ZFYVE9: variants seen among roughly 807,000 people sequenced by gnomAD.
ZFYVE9 encodes zinc finger FYVE-type containing 9, also known as zinc finger FYVE domain-containing protein 9.
ZFYVE9 carries 43 observed loss-of-function variants against 126.7 expected under a neutral mutation model. That is an observed-to-expected ratio of 0.34 (90% CI 0.27 to 0.44). ZFYVE9 has a LOEUF of 0.44. ZFYVE9 is among the 20% of genes least tolerant of loss of function. ZFYVE9 has a pLI of 1.00. For missense variants in ZFYVE9, 1,476 were observed against 1,697.0 expected, an observed-to-expected ratio of 0.87 and a Z score of 2.29; for synonymous variants, 521 against 597.4, an observed-to-expected ratio of 0.87 and a Z score of 1.87.
intron 17 of ZFYVE9, among the ~76,000 whole-genome samples, chr1:52,342,684 T>C (rs1383599959): frequency 6.6e-6 from 1 of 151,970 alleles, no homozygotes; most frequent in Admixed American, 6.6e-5. Flanking sequence ...TACAGGCATG[T>C]GCCACTACAC....
In ZFYVE9 at chr1:52,263,865, A is replaced by G. The variant is rs780848643; in HGVS notation, c.2271A>G (p.Leu757=). 1 of 1,585,148 alleles carries G rather than the reference A, an allele frequency of 6.3e-7. No homozygotes were observed. The highest frequency in any genetic ancestry group is 8.6e-7 in the Non-Finnish European group (1 of 1,161,350). Residue 757 remains leucine (L), a synonymous_variant, in exon 5 of 19, where the codon CTA becomes CTG. Coordinates refer to ENST00000287727, the MANE Select transcript of ZFYVE9 (RefSeq NM_004799.4). The stretch of plus-strand genomic sequence containing the variant: ...TGTGTGTAATCTGCCATTCAGTGCT[A>G]ATGAATGGTAAGTATTAAAACAGGT... ...ARVCVICHSV[L]MNAQAWENMM...
At position 52,332,806 on chromosome 1, in the gene ZFYVE9, G is replaced by A. The variant is rs755916628; in HGVS notation, c.3477G>A (p.Leu1159=). The A allele has an allele frequency of 2.1e-5, 34 of 1,613,960 alleles. No homozygotes were observed. The highest frequency in any genetic ancestry group is 2.4e-5 in the Non-Finnish European group (28 of 1,180,022). ...KAMNKSNEHV[L]AGGACFNEKA... ...TGAACAAGTCCAATGAGCATGTCCT[G>A]GCAGGAGGTGCCTGCTTCAATGAAA... is the stretch of plus-strand genomic sequence containing the variant. The change falls in exon 14 of 19, where the codon CTG becomes CTA. Residue 1159 remains leucine (L), a synonymous_variant. Transcript: ENST00000287727.
Position 52,303,944 on chromosome 1 carries a change from G to T in ZFYVE9, c.3438+19G>T. On this transcript the variant is annotated intron_variant, in intron 13 of 18. Transcript: ENST00000287727. ...CAATGAGGTAAGATTTACCATGAAG[G>T]CGTATTTTTCATAGTTGAAAACATG... 1 of 1,544,832 alleles carries T rather than the reference G, an allele frequency of 6.5e-7. No individual in the cohort carries two copies. Among genetic ancestry groups the T allele is most frequent in the South Asian group, 1.3e-5 (1 of 79,158 alleles).
chr1:52,147,451 T>A (rs1644315594), intron 1 of ZFYVE9, among the ~76,000 whole-genome samples: 1 of 152,198 alleles, frequency 6.6e-6, no homozygotes, highest in South Asian at 2.1e-4. Flanking sequence ...ACTTTCTGCC[T>A]CTATGGATTT....
At chr1:52,340,940 C>T (rs1036933655) in intron 17 of ZFYVE9, among the ~76,000 whole-genome samples, 2 of 146,652 alleles carry the variant, frequency 1.4e-5, no homozygotes, top group African/African-American at 2.5e-5. Context: ...AAAACTAGGC[C>T]GGGTGTGGTG....
At chr1:52,217,776 A>G (rs545082691) in intron 2 of ZFYVE9, among the ~76,000 whole-genome samples, 1 of 152,134 alleles carries the variant, frequency 6.6e-6, no homozygotes, top group Non-Finnish European at 1.5e-5. Context: ...GGCTTTTATG[A>G]TTGTCCCATC....
At chr1:52,314,870 C>A in intron 13 of ZFYVE9, among the ~76,000 whole-genome samples, 1 of 151,738 alleles carries the variant, frequency 6.6e-6, no homozygotes, top group Non-Finnish European at 1.5e-5. Flanking sequence ...GTAGTCCCAG[C>A]TACTCAGGAG....
intron 1 of ZFYVE9, among the ~76,000 whole-genome samples, chr1:52,158,138 C>T (rs768323958): frequency 3.3e-5 from 5 of 152,214 alleles, no homozygotes; most frequent in Non-Finnish European, 5.9e-5. Flanking sequence ...TGTTAATTCT[C>T]ATATCCTGAG....
intron 1 of ZFYVE9, among the ~76,000 whole-genome samples, chr1:52,180,711 T>C (rs632733): frequency 0.97 from 147,357 of 152,334 alleles, 71,289 homozygotes; most frequent in East Asian, 1. Flanking sequence ...CGCGGTGGCT[T>C]ACGCCTGTAA....
intron 1 of ZFYVE9, among the ~76,000 whole-genome samples, chr1:52,148,647 C>CTT (rs368564664): frequency 1.4e-5 from 2 of 144,202 alleles, no homozygotes. Context: ...ATATTTCTTT[C>CTT]TTTTTTTTTT....
chr1:52,221,075 A>G (rs1307064907), intron 2 of ZFYVE9, among the ~76,000 whole-genome samples: 1 of 152,174 alleles, frequency 6.6e-6, no homozygotes, highest in African/African-American at 2.4e-5. Context: ...GGTATGGACT[A>G]CTCTGAAGGC....
chr1:52,323,895 C>CAAAAA (rs35308713), intron 13 of ZFYVE9, among the ~76,000 whole-genome samples: 1 of 126,114 alleles, frequency 7.9e-6, no homozygotes, highest in Non-Finnish European at 1.6e-5. Flanking sequence ...CTACTAAATA[C>CAAAAA]AAAAAAAAAA....
chr1:52,242,736 TA>T lies in ZFYVE9; in HGVS notation c.2178+3143del, dbSNP rs1645346976. ...TGGGAATGAATAGATATGAGAGTAG[TA>T]AGTAGCTGCTTTAGAATATTACATG... On this transcript the variant is annotated intron_variant, in intron 4 of 18. Transcript: ENST00000287727. Among the ~76,000 whole-genome samples, 3 of 152,332 alleles carry T rather than the reference TA, an allele frequency of 2.0e-5. No homozygotes were observed. The South Asian group carries it at 6.2e-4, about 32-fold the overall frequency.
intron 10 of ZFYVE9, among the ~76,000 whole-genome samples, chr1:52,290,120 T>C (rs1328597895): frequency 6.6e-6 from 1 of 152,192 alleles, no homozygotes; most frequent in Non-Finnish European, 1.5e-5. Context: ...TGAACAGAAA[T>C]GTATTTCCTG....
At chr1:52,326,355 T>G (rs181125469) in intron 13 of ZFYVE9, among the ~76,000 whole-genome samples, 1 of 152,276 alleles carries the variant, frequency 6.6e-6, no homozygotes, top group East Asian at 1.9e-4. Context: ...TTTAACAAAT[T>G]GTTTGTTAAA....
intron 7 of ZFYVE9, among the ~76,000 whole-genome samples, chr1:52,273,016 T>A (rs182751809): frequency 2.0e-5 from 3 of 152,100 alleles, no homozygotes; most frequent in Admixed American, 2.0e-4. Flanking sequence ...TCTTTTAACT[T>A]TTTGTTTTGA....
intron 2 of ZFYVE9, among the ~76,000 whole-genome samples, chr1:52,219,209 T>C (rs1410188627): frequency 1.3e-5 from 2 of 152,132 alleles, no homozygotes; most frequent in African/African-American, 2.4e-5. Context: ...TCTTTGACTA[T>C]GGAGGTTTCC....
rs533895472 is a variant in ZFYVE9, at chr1:52,176,849, C to T, written c.-143+34446C>T. On this transcript the variant is annotated intron_variant, in intron 1 of 18. Transcript: ENST00000287727. ...CCGTTTCCTAAGCCCGTCAGAAAAGCGCAGTATTGGGGTGGGAGTGACCCG... is the reference window on the plus strand; with the variant it reads ...CCGTTTCCTAAGCCCGTCAGAAAAGTGCAGTATTGGGGTGGGAGTGACCCG... Among the ~76,000 whole-genome samples the T allele has an allele frequency of 1.1e-4, 16 of 152,184 alleles. No individual in the cohort carries two copies. In the East Asian group the frequency reaches 1.3e-3, roughly 13 times the overall value.
intron 14 of ZFYVE9, among the ~76,000 whole-genome samples, chr1:52,334,059 C>T (rs891030688): frequency 2.7e-5 from 4 of 149,572 alleles, no homozygotes; most frequent in East Asian, 3.9e-4. Context: ...CACCGCTGCA[C>T]GTCAGCCTGG....
Sources: allele counts gnomAD v4.1 joint callset (sites outside exome capture counted in the v4.1 genomes callset), GRCh38; gene constraint gnomAD v4.1.1; transcripts MANE v1.5; gene names NCBI Gene and HGNC (gene_info 2026-07-23, HGNC 2026-07-21).